GPC3: variants seen among roughly 807,000 people sequenced by gnomAD.
The protein encoded by GPC3 is glypican 3, also known as glypican-3.
A neutral mutation model predicts 34.4 loss-of-function variants in GPC3; 3 were observed. The observed-to-expected ratio is 0.09, with a 90% CI of 0.04 to 0.23. The LOEUF (loss-of-function observed/expected upper bound fraction) is 0.23, where lower values mean the gene tolerates loss of function less well. GPC3 is among the 10% of genes least tolerant of loss of function. The probability of loss-of-function intolerance (pLI) is 1.00; values close to 1 mark genes in which losing one functional copy is unlikely to be tolerated. For synonymous variants in GPC3, 177 were observed against 174.0 expected (o/e 1.02, Z -0.13); for missense variants, 351 against 445.6 (o/e 0.79, Z 1.91).
chrX:133,846,438 T>A (rs983673131), intron 2 of GPC3, among the ~76,000 whole-genome samples: 7 of 111,931 alleles, frequency 6.3e-5, no homozygotes, highest in African/African-American at 2.3e-4. Context: ...ACAAATACTC[T>A]AATATTTACC....
chrX:133,932,737 G>A lies in GPC3; in HGVS notation c.337+20313C>T, dbSNP rs761223174. Among the ~76,000 whole-genome samples, 4 of 111,181 alleles carry A rather than the reference G, an allele frequency of 3.6e-5. No individual in the cohort carries two copies. In the East Asian group the frequency reaches 1.1e-3, roughly 31 times the overall value. ...TTTACGTATCTGACTTAAACTCTGT[G>A]CTTTCTCTTCAGAAAAAAAGTCACA... is the stretch of plus-strand genomic sequence containing the variant. On this transcript the variant is annotated intron_variant, in intron 2 of 7. Coordinates refer to ENST00000370818, the MANE Select transcript of GPC3 (RefSeq NM_004484.4).
intron 6 of GPC3, among the ~76,000 whole-genome samples, chrX:133,658,172 G>A (rs2070683735): frequency 9.0e-6 from 1 of 110,933 alleles, no homozygotes; most frequent in African/African-American, 3.4e-5. Flanking sequence ...GGAAACATCT[G>A]GATGATTGAT....
chrX:133,630,948 G>A, intron 6 of GPC3, among the ~76,000 whole-genome samples: 1 of 111,608 alleles, frequency 9.0e-6, no homozygotes, highest in Non-Finnish European at 1.9e-5. Flanking sequence ...GATAAGTTGG[G>A]AAAACACATT....
intron 2 of GPC3, among the ~76,000 whole-genome samples, chrX:133,951,047 A>AGTGTGTGTGT (rs373690687): frequency 0.028 from 2,119 of 76,633 alleles, 42 homozygotes; most frequent in Middle Eastern, 0.049. Flanking sequence ...AATTCAAGAA[A>AGTGTGTGTGT]GTGTGTGTGT....
chrX:133,975,628 GT>G (rs2076511593), intron 1 of GPC3, among the ~76,000 whole-genome samples: 2 of 111,772 alleles, frequency 1.8e-5, no homozygotes, highest in South Asian at 3.8e-4. Flanking sequence ...TGGCATCTAT[GT>G]TTTTCCTTGC....
At chrX:133,827,601 G>C (rs1490592669) in intron 2 of GPC3, among the ~76,000 whole-genome samples, 1 of 111,054 alleles carries the variant, frequency 9.0e-6, no homozygotes, top group Non-Finnish European at 1.9e-5. Flanking sequence ...TGGCCAACCT[G>C]GTGAAACCTT....
At chrX:133,628,544 T>C (rs2070331864) in intron 6 of GPC3, among the ~76,000 whole-genome samples, 1 of 109,565 alleles carries the variant, frequency 9.1e-6, no homozygotes, top group South Asian at 4.0e-4. Context: ...TAACCCCAGC[T>C]ACTCAGGAGG....
chrX:133,821,345 A>G (rs1405225025), intron 2 of GPC3, among the ~76,000 whole-genome samples: 1 of 112,360 alleles, frequency 8.9e-6, no homozygotes, highest in Non-Finnish European at 1.9e-5. Context: ...ATTTCTGTAT[A>G]ATCCTGGCAC....
At chrX:133,644,190 G>T (rs767580014) in intron 6 of GPC3, among the ~76,000 whole-genome samples, 1 of 111,060 alleles carries the variant, frequency 9.0e-6, no homozygotes, top group African/African-American at 3.3e-5. Flanking sequence ...TTTGTAGATT[G>T]TCATGTTCTT....
intron 6 of GPC3, among the ~76,000 whole-genome samples, chrX:133,609,678 A>C (rs1029091722): frequency 8.9e-6 from 1 of 112,352 alleles, no homozygotes; most frequent in African/African-American, 3.2e-5. Context: ...ATTTTAGCTT[A>C]GTTAATTCTA....
intron 2 of GPC3, among the ~76,000 whole-genome samples, chrX:133,945,609 C>G (rs1234419813): frequency 9.2e-6 from 1 of 109,173 alleles, no homozygotes. Flanking sequence ...CAAAAATTAG[C>G]CAGGCATGAT....
chrX:133,791,968 C>T (rs1201531607), intron 2 of GPC3, among the ~76,000 whole-genome samples: 1 of 106,956 alleles, frequency 9.3e-6, no homozygotes, highest in Non-Finnish European at 1.9e-5. Flanking sequence ...GCAACCTCTG[C>T]CTGCCACATT....
Position 133,661,742 on chromosome X carries a change from C to T in GPC3, c.1401G>A (p.Lys467=), listed in dbSNP as rs1414929831. 6 of 1,163,041 alleles carry T rather than the reference C, an allele frequency of 5.2e-6. No individual in the cohort carries two copies. The highest frequency in any genetic ancestry group is 7.0e-6 in the Non-Finnish European group (6 of 860,073). ...ATATTCCACATACCTGGTTAATGTG[C>T]TTCAGTTTGTCAATAATTTGACTGA... ...PVVSQIIDKL[K]HINQLLRTMS... is the part of the protein sequence containing the mutation. The change falls in exon 6 of 8, where the codon AAG becomes AAA. Residue 467 remains lysine (K), a synonymous_variant. Transcript: ENST00000370818.
At chrX:133,683,976 A>G (rs1237668886) in intron 5 of GPC3, among the ~76,000 whole-genome samples, 1 of 112,291 alleles carries the variant, frequency 8.9e-6, no homozygotes, top group Admixed American at 9.5e-5. Flanking sequence ...CCAGGATTTA[A>G]AAAAATTCTT....
At chrX:133,813,611 A>G (rs1464781358) in intron 2 of GPC3, among the ~76,000 whole-genome samples, 1 of 112,706 alleles carries the variant, frequency 8.9e-6, no homozygotes, top group Non-Finnish European at 1.9e-5. Context: ...ATTCTGATGC[A>G]GAATGAATGA....
intron 7 of GPC3, among the ~76,000 whole-genome samples, chrX:133,537,156 A>G (rs2069300854): frequency 8.9e-6 from 1 of 112,274 alleles, no homozygotes; most frequent in Admixed American, 9.5e-5. Context: ...AGGAAATTCA[A>G]GATGGCTGAC....
At chrX:133,786,529 C>T (rs769253063) in intron 2 of GPC3, among the ~76,000 whole-genome samples, 3 of 112,642 alleles carry the variant, frequency 2.7e-5, no homozygotes, top group Admixed American at 9.3e-5. Flanking sequence ...GTGTATTAGA[C>T]GCTTTTGTGC....
chrX:133,633,050 C>T (rs1266467622), intron 6 of GPC3, among the ~76,000 whole-genome samples: 3 of 111,449 alleles, frequency 2.7e-5, no homozygotes, highest in Non-Finnish European at 3.8e-5. Flanking sequence ...GTTACTCACA[C>T]ACTCCCCACA....
intron 7 of GPC3, among the ~76,000 whole-genome samples, chrX:133,553,746 T>G (rs2069458462): frequency 1.8e-5 from 2 of 112,091 alleles, no homozygotes; most frequent in Admixed American, 1.9e-4. Flanking sequence ...TCCATTTATA[T>G]TTTTGACAAC....
Sources: gnomAD v4.1 joint callset for allele counts (sites outside exome capture counted in the v4.1 genomes callset) on GRCh38, gnomAD v4.1.1 for gene constraint, MANE v1.5 for transcripts, NCBI Gene and HGNC (gene_info 2026-07-23, HGNC 2026-07-21) for gene names.